Variants in SACS observed in about 807,000 individuals in gnomAD.
SACS encodes sacsin molecular chaperone.
In SACS, 197 loss-of-function variants were observed where a neutral mutation model predicts 348.0. The observed-to-expected ratio is 0.57, with a 90% confidence interval of 0.50 to 0.64. The LOEUF (loss-of-function observed/expected upper bound fraction) is 0.64, where lower values mean the gene tolerates loss of function less well. SACS is among the 30% of genes least tolerant of loss of function. The pLI, the probability that SACS is intolerant of heterozygous loss-of-function variation, is 0.00. For synonymous variants in SACS, 1,985 were observed against 1,910.6 expected, an observed-to-expected ratio of 1.04 and a Z score of -1.02; for missense variants, 4,999 against 5,360.8, an observed-to-expected ratio of 0.93 and a Z score of 2.11.
chr13:23,389,170 G>C (rs1321375115), intron 2 of SACS, among the ~76,000 whole-genome samples: 1 of 150,864 alleles, frequency 6.6e-6, no homozygotes, highest in Non-Finnish European at 1.5e-5. Context: ...ATATGTGTGT[G>C]TATATATATA....
intron 2 of SACS, among the ~76,000 whole-genome samples, chr13:23,388,422 G>GTA (rs71185075): frequency 0.043 from 4,027 of 93,482 alleles, 180 homozygotes; most frequent in African/African-American, 0.13. Flanking sequence ...TGGTGTGTGT[G>GTA]TATATATATA....
chr13:23,336,230 A>G lies in SACS; in HGVS notation c.7646T>C (p.Leu2549Pro). The G allele has an allele frequency of 6.2e-7, 1 of 1,614,070 alleles. No individual in the cohort carries two copies. The highest frequency in any genetic ancestry group is 8.5e-7 in the Non-Finnish European group (1 of 1,179,944). ...CTTTGCATCATCAGCATTTTGAAGA[A>G]GCTCTTTCAACATTTCCTTTTCAGA... ...YPSEKEMLKELLQNADDAKAT... is the reference protein window; with the variant it reads ...YPSEKEMLKEPLQNADDAKAT... The change falls in exon 10 of 10, where the codon CTT becomes CCT. Residue 2549 changes from leucine (L) to proline (P), a missense_variant. Leu to Pro is a moderately conservative substitution (Grantham distance 98). Transcript: ENST00000382292.
At chr13:23,396,419 G>C (rs1872714577) in intron 2 of SACS, among the ~76,000 whole-genome samples, 1 of 151,560 alleles carries the variant, frequency 6.6e-6, no homozygotes, top group Non-Finnish European at 1.5e-5. Context: ...CATATGATTT[G>C]AGTAAATTTT....
At chr13:23,425,483 C>T (rs1874132362) in intron 1 of SACS, among the ~76,000 whole-genome samples, 2 of 151,932 alleles carry the variant, frequency 1.3e-5, no homozygotes, top group African/African-American at 4.8e-5. Context: ...ACCTAGAGTC[C>T]AGTGTCGTTT....
chr13:23,404,255 A>G (rs1873109799), intron 2 of SACS, among the ~76,000 whole-genome samples: 2 of 152,166 alleles, frequency 1.3e-5, no homozygotes, highest in African/African-American at 4.8e-5. Flanking sequence ...GTTGGATGCA[A>G]GGCTGGTTCA....
chr13:23,428,187 A>G (rs773153243), intron 1 of SACS: 5 of 152,170 alleles, frequency 3.3e-5, no homozygotes, highest in Non-Finnish European at 5.9e-5. Flanking sequence ...GGTTCAACCA[A>G]ATTCATACAT....
intron 1 of SACS, among the ~76,000 whole-genome samples, chr13:23,417,106 A>G (rs1175268454): frequency 6.6e-6 from 1 of 152,240 alleles, no homozygotes; most frequent in African/African-American, 2.4e-5. Context: ...CAAGCAAGAA[A>G]AAAATGTTAC....
intron 6 of SACS, among the ~76,000 whole-genome samples, chr13:23,359,984 C>A (rs1381227543): frequency 1.1e-4 from 17 of 152,192 alleles, no homozygotes; most frequent in Admixed American, 1.1e-3. Flanking sequence ...CAAAGGCCTT[C>A]TGTGGAGTGG....
chr13:23,397,157 A>AG (rs1872741719), intron 2 of SACS, among the ~76,000 whole-genome samples: 1 of 152,074 alleles, frequency 6.6e-6, no homozygotes, highest in Non-Finnish European at 1.5e-5. Flanking sequence ...TCTGTTAAAA[A>AG]AAGGTTGGTA....
At chr13:23,416,299 A>G (rs1179175568) in intron 1 of SACS, among the ~76,000 whole-genome samples, 1 of 138,164 alleles carries the variant, frequency 7.2e-6, no homozygotes, top group African/African-American at 2.5e-5. Context: ...AATTCATGAA[A>G]AAATGTCTTG....
rs375963500 is a variant in SACS, at chr13:23,335,814, T to C, written c.8062A>G (p.Thr2688Ala). ...FSDVLDLYLGTHFKLDNCTMF... is the reference protein window; with the variant it reads ...FSDVLDLYLGAHFKLDNCTMF... ...GTGCAATTATCCAGTTTAAAATGGG[T>C]TCCCAGATAAAGATCCAGAACATCT... is the stretch of plus-strand genomic sequence containing the variant. Residue 2688 changes from threonine (T) to alanine (A), a missense_variant, in exon 10 of 10, where the codon ACC becomes GCC. Coordinates refer to ENST00000382292, the MANE Select transcript of SACS (RefSeq NM_014363.6). The surrounding 1 kb of genome is among the most constrained non-coding windows in gnomAD (Gnocchi z 4.7). 1.9e-6 allele frequency: 3 copies of C among 1,613,896 alleles called. No individual in the cohort carries two copies. Among genetic ancestry groups the C allele is most frequent in the African/African-American group, 2.7e-5 (2 of 74,980 alleles).
At chr13:23,388,514 C>T (rs976674073) in intron 2 of SACS, among the ~76,000 whole-genome samples, 30 of 145,850 alleles carry the variant, frequency 2.1e-4, no homozygotes, top group African/African-American at 7.6e-4. Flanking sequence ...TATATACACA[C>T]ACATACCACA....
At chr13:23,404,673 C>G (rs1471306295) in intron 2 of SACS, among the ~76,000 whole-genome samples, 1 of 152,054 alleles carries the variant, frequency 6.6e-6, no homozygotes, top group East Asian at 1.9e-4. Flanking sequence ...TTTAGAAAAC[C>G]CCATCATCTC....
rs376178701 is a variant in SACS at position 23,339,222 on chromosome 13, T to G, written c.4654A>C (p.Lys1552Gln). 5 of 1,610,794 alleles carry G rather than the reference T, an allele frequency of 3.1e-6. No individual in the cohort carries two copies. The African/African-American group carries it at 6.7e-5, about 22-fold the overall frequency. ...GESLKRGEVD[K>Q]VGKFGLGFNS... ...AATCCAAGACCAAATTTTCCAACTT[T>G]GTCAACTTCTCCCCTTTTTAAAGAT... is the stretch of plus-strand genomic sequence containing the variant. Residue 1552 changes from lysine (K) to glutamine (Q), a missense_variant, in exon 10 of 10, where the codon AAA becomes CAA. Coordinates refer to ENST00000382292, the MANE Select transcript of SACS (RefSeq NM_014363.6).
chr13:23,396,923 T>G (rs1872731657), intron 2 of SACS, among the ~76,000 whole-genome samples: 1 of 152,196 alleles, frequency 6.6e-6, no homozygotes, highest in Non-Finnish European at 1.5e-5. Context: ...TACTGAAACA[T>G]TAATTACTAA....
chr13:23,406,834 G>A (rs74577505), intron 2 of SACS, among the ~76,000 whole-genome samples: 1,959 of 152,102 alleles, frequency 0.013, 84 homozygotes, highest in East Asian at 0.092. Flanking sequence ...TCTTACTTTG[G>A]TTATCTTGAA....
intron 9 of SACS, among the ~76,000 whole-genome samples, chr13:23,352,651 A>C (rs900908277): frequency 1.3e-5 from 2 of 152,220 alleles, no homozygotes; most frequent in Non-Finnish European, 2.9e-5. Flanking sequence ...TTAAAAAAAA[A>C]GGAGTTCCAA....
chr13:23,406,900 C>T (rs1873247781), intron 2 of SACS, among the ~76,000 whole-genome samples: 1 of 152,058 alleles, frequency 6.6e-6, no homozygotes, highest in Non-Finnish European at 1.5e-5. Flanking sequence ...TACAGCACAC[C>T]CTTGTAGGTT....
chr13:23,338,836 T>G lies in SACS; in HGVS notation c.5040A>C (p.Gly1680=). Residue 1680 remains glycine (G), a synonymous_variant, in exon 10 of 10, where the codon GGA becomes GGC. Coordinates refer to ENST00000382292, the MANE Select transcript of SACS (RefSeq NM_014363.6). The part of the protein sequence containing the change: ...YSLVDEFSLC[G]HRLIIFTQSV... ...TCTGAGTGAAAATGATAAGCCTGTG[T>G]CCACAGAGACTAAATTCATCCACAA... The G allele has an allele frequency of 6.2e-7, 1 of 1,612,952 alleles. No individual in the cohort carries two copies.
Sources: gnomAD v4.1 joint callset for allele counts (sites outside exome capture counted in the v4.1 genomes callset) on GRCh38, gnomAD v4.1.1 for gene constraint, Gnocchi (gnomAD v3.1) non-coding constraint, MANE v1.5 for transcripts, NCBI Gene and HGNC (gene_info 2026-07-23, HGNC 2026-07-21) for gene names.